Variants in DTNBP1 observed in about 807,000 individuals in gnomAD.
DTNBP1 encodes dystrobrevin binding protein 1.
DTNBP1 carries 35 observed loss-of-function variants against 42.8 expected under a neutral mutation model. The observed-to-expected ratio is 0.82, with a 90% CI of 0.63 to 1.09. The LOEUF (loss-of-function observed/expected upper bound fraction) is 1.09. DTNBP1 is among the 50% of genes least tolerant of loss of function. The probability of loss-of-function intolerance (pLI) is 0.00; values close to 1 mark genes in which losing one functional copy is unlikely to be tolerated. For missense variants in DTNBP1, 457 were observed against 424.2 expected, an observed-to-expected ratio of 1.08 and a Z score of -0.68; for synonymous variants, 171 against 162.2, an observed-to-expected ratio of 1.05 and a Z score of -0.41.
At chr6:15,582,256 T>A (rs1421905891) in intron 7 of DTNBP1, among the ~76,000 whole-genome samples, 2 of 152,216 alleles carry the variant, frequency 1.3e-5, no homozygotes, top group Non-Finnish European at 2.9e-5. Flanking sequence ...CAGGAATGAC[T>A]GTGGTGAAGT....
intron 7 of DTNBP1, among the ~76,000 whole-genome samples, chr6:15,540,251 A>ACTGTT (rs1773481156): frequency 6.6e-6 from 1 of 152,226 alleles, no homozygotes; most frequent in South Asian, 2.1e-4. Context: ...TCAGTTGTCA[A>ACTGTT]CATATCTGTT....
rs765885936 is a variant in DTNBP1 at position 15,523,074 on chromosome 6, A to C, written c.957T>G (p.Val319=). ...DISEGGESPV[V]QSDEEEVQVD... ...CCTGAACTTCCTCCTCATCGGACTG[A>C]ACAACGGGGGACTCCCCACCCTCAC... Residue 319 remains valine, a synonymous_variant, in exon 10 of 10, where the codon GTT becomes GTG. Transcript: ENST00000344537. The C allele has an allele frequency of 6.2e-7, 1 of 1,614,118 alleles. No individual in the cohort carries two copies. The highest frequency in any genetic ancestry group is 8.5e-7 in the Non-Finnish European group (1 of 1,180,006).
rs1341833697 is a variant in DTNBP1 at position 15,620,184 on chromosome 6, C to T, written c.356-4785G>A. Among the ~76,000 whole-genome samples, 6 of 152,180 alleles carry T rather than the reference C, an allele frequency of 3.9e-5. No homozygotes were observed. In the East Asian group the frequency reaches 9.6e-4, roughly 24 times the overall value. On this transcript the variant is annotated intron_variant, in intron 5 of 9. Coordinates refer to ENST00000344537, the MANE Select transcript of DTNBP1 (RefSeq NM_032122.5). ...TAGTTCATGGTGCTTTTGAATCTAG[C>T]TTCAGGGACCACATCAAACAGCTAC...
At position 15,661,303 on chromosome 6, in the gene DTNBP1, A is replaced by G. The variant is rs538302442; in HGVS notation, c.56+1511T>C. ...CAGGAGTTGGAGGCTGCAGCGAGCTATAATAGCGCCACTGCGCTCCAGCCT... is the reference window on the plus strand; with the variant it reads ...CAGGAGTTGGAGGCTGCAGCGAGCTGTAATAGCGCCACTGCGCTCCAGCCT... On this transcript the variant is annotated intron_variant, in intron 1 of 9. Coordinates refer to ENST00000344537, the MANE Select transcript of DTNBP1 (RefSeq NM_032122.5). 4.2e-4 allele frequency among the ~76,000 whole-genome samples: 62 copies of G among 147,340 alleles called. 1 individual carries two copies. The East Asian group carries it at 0.012, about 29-fold the overall frequency.
Position 15,529,006 on chromosome 6 carries a change from C to T in DTNBP1, c.667+4234G>A, listed in dbSNP as rs561844552. Reference sequence around the variant, plus strand: ...GAGAAATTATAAGAATGTCCAAGGCCGGGTGTGGTGGCTCACGCCTGTAAT... The same window carrying T: ...GAGAAATTATAAGAATGTCCAAGGCTGGGTGTGGTGGCTCACGCCTGTAAT... On this transcript the variant is annotated intron_variant, in intron 8 of 9. Transcript: ENST00000344537. Among the ~76,000 whole-genome samples, 21 of 152,280 alleles carry T rather than the reference C, an allele frequency of 1.4e-4. 1 individual carries two copies. Among genetic ancestry groups the T allele is most frequent in the East Asian group, 3.9e-4 (2 of 5,188 alleles).
chr6:15,654,625 C>G (rs538920751), intron 1 of DTNBP1, among the ~76,000 whole-genome samples: 1 of 151,836 alleles, frequency 6.6e-6, no homozygotes, highest in African/African-American at 2.4e-5. Context: ...ATCTCCTCCC[C>G]GCCACCGACA....
chr6:15,528,665 T>C (rs1433017655), intron 8 of DTNBP1, among the ~76,000 whole-genome samples: 1 of 152,192 alleles, frequency 6.6e-6, no homozygotes, highest in African/African-American at 2.4e-5. Context: ...AGAATGTGCA[T>C]ATGTGGCTGA....
chr6:15,652,208 G>A (rs767913194), intron 1 of DTNBP1, 68 bp from the exon 2 acceptor site: 29 of 1,298,866 alleles, frequency 2.2e-5, no homozygotes, highest in Non-Finnish European at 2.9e-5. Context: ...TTGAGACAGG[G>A]TCTCACTCTG....
chr6:15,578,477 G>C (rs774424955), intron 7 of DTNBP1, among the ~76,000 whole-genome samples: 33 of 152,124 alleles, frequency 2.2e-4, no homozygotes, highest in Non-Finnish European at 3.8e-4. Context: ...CTGCTCGGGG[G>C]CATACACCAT....
Position 15,652,140 on chromosome 6 carries a change from C to A in DTNBP1, c.57G>T (p.Gly19=). The part of the protein sequence containing the change: ...LLSVQQDFTS[G]LKTLSDKSRE... Reference sequence around the variant, plus strand: ...TTGACTTGTCACTTAAAGTCTTCAGCCTATAATTCAATATAAAATATAATA... The same window carrying A: ...TTGACTTGTCACTTAAAGTCTTCAGACTATAATTCAATATAAAATATAATA... The change falls in exon 2 of 10, where the codon GGG becomes GGT. Residue 19 remains glycine (G), a splice_region_variant and synonymous_variant. Coordinates refer to ENST00000344537, the MANE Select transcript of DTNBP1 (RefSeq NM_032122.5). 6.2e-7 allele frequency: 1 copy of A among 1,601,412 alleles called. No individual in the cohort carries two copies. Among genetic ancestry groups the A allele is most frequent in the Non-Finnish European group, 8.5e-7 (1 of 1,170,974 alleles).
chr6:15,630,297 G>A (rs921240626), intron 4 of DTNBP1, among the ~76,000 whole-genome samples: 3 of 152,188 alleles, frequency 2.0e-5, no homozygotes, highest in Non-Finnish European at 4.4e-5. Context: ...AGAAAACTAA[G>A]AGAGGCCATG....
At chr6:15,620,209 C>G (rs1758962446) in intron 5 of DTNBP1, among the ~76,000 whole-genome samples, 1 of 152,076 alleles carries the variant, frequency 6.6e-6, no homozygotes, top group African/African-American at 2.4e-5. Flanking sequence ...CAAACAGCTA[C>G]TATATGTGAT....
intron 8 of DTNBP1, among the ~76,000 whole-genome samples, chr6:15,531,673 C>A (rs540209944): frequency 5.3e-4 from 81 of 152,234 alleles, no homozygotes; most frequent in Non-Finnish European, 1.0e-3. Context: ...CTTGCTCTGT[C>A]GCCAGGCTGG....
chr6:15,538,760 GT>G (rs1408839491), intron 7 of DTNBP1, among the ~76,000 whole-genome samples: 1 of 152,180 alleles, frequency 6.6e-6, no homozygotes, highest in African/African-American at 2.4e-5. Flanking sequence ...GCTCCGCTGA[GT>G]TTGGGTGCTA....
At chr6:15,535,801 C>T (rs1773195644) in intron 7 of DTNBP1, among the ~76,000 whole-genome samples, 1 of 152,196 alleles carries the variant, frequency 6.6e-6, no homozygotes, top group Admixed American at 6.5e-5. Context: ...ACTCTGGAAC[C>T]TCCTAGAGAC....
At chr6:15,651,177 T>C in intron 3 of DTNBP1, 136 bp downstream of exon 3, 1 of 826,950 alleles carries the variant, frequency 1.2e-6, no homozygotes, top group Non-Finnish European at 2.0e-6. Flanking sequence ...AGGAAAATAA[T>C]ACATAAATAA....
At chr6:15,662,697 G>T in intron 1 of DTNBP1, 117 bp downstream of exon 1, 1 of 1,372,598 alleles carries the variant, frequency 7.3e-7, no homozygotes, top group Non-Finnish European at 1.0e-6. Context: ...GCGGGGCGGG[G>T]AGGTGCGGGA....
chr6:15,554,536 T>C (rs9476846), intron 7 of DTNBP1, among the ~76,000 whole-genome samples: 19,403 of 152,168 alleles, frequency 0.13, 1,572 homozygotes, highest in African/African-American at 0.23. Flanking sequence ...TTGCAGCCTG[T>C]AGGGTGGCCA....
At chr6:15,585,092 TATATATATATATATATATA>T (rs1776016450) in intron 7 of DTNBP1, among the ~76,000 whole-genome samples, 1 of 98,722 alleles carries the variant, frequency 1.0e-5, no homozygotes, top group African/African-American at 3.2e-5. Flanking sequence ...TATATATATA[TATATATATATATATATATA>T]TTCAACCTGT....
Sources: gnomAD v4.1 joint callset for allele counts (sites outside exome capture counted in the v4.1 genomes callset) on GRCh38, gnomAD v4.1.1 for gene constraint, MANE v1.5 for transcripts, NCBI Gene and HGNC (gene_info 2026-07-23, HGNC 2026-07-21) for gene names.